IPCEF1: variants seen among roughly 807,000 people sequenced by gnomAD.
The protein encoded by IPCEF1 is interactor protein for cytohesin exchange factors 1.
Under a neutral mutation model 50.9 loss-of-function variants are expected in IPCEF1, and 31 were observed. The observed-to-expected ratio is 0.61, with a 90% confidence interval of 0.46 to 0.82. The LOEUF (loss-of-function observed/expected upper bound fraction) is 0.82. IPCEF1 is among the 40% of genes least tolerant of loss of function. IPCEF1 has a pLI of 0.00. For synonymous variants in IPCEF1, 181 were observed against 192.0 expected, an observed-to-expected ratio of 0.94 and a Z score of 0.47; for missense variants, 458 against 514.0, an observed-to-expected ratio of 0.89 and a Z score of 1.05.
At chr6:154,336,475 C>T (rs1033330782) in intron 1 of IPCEF1, among the ~76,000 whole-genome samples, 19 of 151,930 alleles carry the variant, frequency 1.3e-4, no homozygotes, top group Non-Finnish European at 4.4e-5. Context: ...AAGTTGATCT[C>T]GTGGAGATAG....
In IPCEF1 at chr6:154,247,486, C is replaced by T. The variant is rs769233053; in HGVS notation, c.39G>A (p.Gln13=). ...TCCTGGGCTTCTGACGCAAGGGAACCTGCTGAAAATGCAGGAAGGAAAGAA... is the reference window on the plus strand; with the variant it reads ...TCCTGGGCTTCTGACGCAAGGGAACTTGCTGAAAATGCAGGAAGGAAAGAA... ...SYMAIDGSAL[Q]VPLRQKPRRK... Residue 13 remains glutamine (Q), a splice_region_variant and synonymous_variant, in exon 4 of 12, where the codon CAG becomes CAA. Transcript: ENST00000367220. 6.2e-7 allele frequency: 1 copy of T among 1,611,578 alleles called. No individual in the cohort carries two copies. Among genetic ancestry groups the T allele is most frequent in the Non-Finnish European group, 8.5e-7 (1 of 1,178,222 alleles).
chr6:154,213,491 G>T (rs917824572), intron 8 of IPCEF1, among the ~76,000 whole-genome samples: 2 of 152,186 alleles, frequency 1.3e-5, no homozygotes, highest in Non-Finnish European at 2.9e-5. Context: ...TCATGGTATT[G>T]CACGGTACCC....
At chr6:154,191,145 G>A (rs2128580851) in intron 10 of IPCEF1, among the ~76,000 whole-genome samples, 1 of 152,160 alleles carries the variant, frequency 6.6e-6, no homozygotes, top group African/African-American at 2.4e-5. Context: ...ATCTGAAAAG[G>A]GTACATACCA....
At chr6:154,209,273 AT>A (rs1224027404) in intron 9 of IPCEF1, among the ~76,000 whole-genome samples, 1 of 152,222 alleles carries the variant, frequency 6.6e-6, no homozygotes, top group Non-Finnish European at 1.5e-5. Flanking sequence ...GGGGAAAAAA[AT>A]ATTTTTGCCC....
At chr6:154,221,766 C>T (rs790267) in intron 6 of IPCEF1, among the ~76,000 whole-genome samples, 70,205 of 151,742 alleles carry the variant, frequency 0.46, 16,504 homozygotes, top group Admixed American at 0.57. Flanking sequence ...CCCAGCTACC[C>T]GGGAGGCTGA....
At chr6:154,266,902 C>G (rs1303017675) in intron 2 of IPCEF1, among the ~76,000 whole-genome samples, 1 of 152,130 alleles carries the variant, frequency 6.6e-6, no homozygotes, top group Non-Finnish European at 1.5e-5. Context: ...GCCACTGAAA[C>G]TCTCCCCAAA....
intron 1 of IPCEF1, among the ~76,000 whole-genome samples, chr6:154,309,195 A>C (rs1252276245): frequency 1.3e-5 from 2 of 152,206 alleles, no homozygotes; most frequent in Non-Finnish European, 2.9e-5. Context: ...ACTTTCCCTG[A>C]GCTGTCTGAG....
intron 1 of IPCEF1, among the ~76,000 whole-genome samples, chr6:154,348,488 A>G (rs1408468566): frequency 2.0e-5 from 3 of 152,186 alleles, no homozygotes; most frequent in South Asian, 2.1e-4. Flanking sequence ...TGTCCATTTA[A>G]TTGCAGTGAA....
chr6:154,338,661 G>A (rs899322032), intron 1 of IPCEF1, among the ~76,000 whole-genome samples: 2 of 152,208 alleles, frequency 1.3e-5, no homozygotes, highest in African/African-American at 4.8e-5. Context: ...GCCCAATAAC[G>A]AAAATCCTAG....
At chr6:154,317,849 A>G (rs1192910222) in intron 1 of IPCEF1, among the ~76,000 whole-genome samples, 1 of 152,150 alleles carries the variant, frequency 6.6e-6, no homozygotes, top group African/African-American at 2.4e-5. Context: ...TATTTACTGA[A>G]GAGAAAGAAA....
At chr6:154,355,783 C>T (rs1347833097) in intron 1 of IPCEF1, among the ~76,000 whole-genome samples, 1 of 151,836 alleles carries the variant, frequency 6.6e-6, no homozygotes, top group African/African-American at 2.4e-5. Context: ...GCCACCGCAC[C>T]CGGCATTCTA....
chr6:154,298,844 C>A (rs1242190289), intron 1 of IPCEF1, among the ~76,000 whole-genome samples: 6 of 151,986 alleles, frequency 3.9e-5, no homozygotes, highest in African/African-American at 1.5e-4. Flanking sequence ...TGCCTGTAAT[C>A]CCAAGTACTT....
intron 3 of IPCEF1, among the ~76,000 whole-genome samples, chr6:154,254,737 T>C (rs1372147203): frequency 1.3e-5 from 2 of 152,226 alleles, no homozygotes; most frequent in African/African-American, 4.8e-5. Context: ...GTGTGGTTGG[T>C]TGGTTGGTTT....
At chr6:154,165,640 C>G (rs1799366748) in intron 11 of IPCEF1, among the ~76,000 whole-genome samples, 2 of 152,240 alleles carry the variant, frequency 1.3e-5, no homozygotes, top group Non-Finnish European at 2.9e-5. Flanking sequence ...GCAGGCAGCC[C>G]TGAGCGGGCC....
chr6:154,170,833 T>C (rs1460864744), intron 10 of IPCEF1, among the ~76,000 whole-genome samples: 1 of 152,154 alleles, frequency 6.6e-6, no homozygotes, highest in African/African-American at 2.4e-5. Context: ...CCCTCATACA[T>C]TGTTAGTGGG....
intron 5 of IPCEF1, among the ~76,000 whole-genome samples, chr6:154,229,863 G>A (rs918552230): frequency 6.6e-6 from 1 of 152,178 alleles, no homozygotes; most frequent in Non-Finnish European, 1.5e-5. Flanking sequence ...ACAGCCATAC[G>A]ACGAAATGCT....
At chr6:154,319,629 A>AT (rs1439572711) in intron 1 of IPCEF1, among the ~76,000 whole-genome samples, 1 of 152,186 alleles carries the variant, frequency 6.6e-6, no homozygotes, top group African/African-American at 2.4e-5. Flanking sequence ...GTCATGTCTT[A>AT]TTTTTATCAG....
intron 9 of IPCEF1, among the ~76,000 whole-genome samples, chr6:154,210,396 T>G (rs1176028861): frequency 2.6e-5 from 4 of 152,136 alleles, no homozygotes; most frequent in Non-Finnish European, 4.4e-5. Flanking sequence ...TGTTACAGGT[T>G]AAAATAGGAG....
At chr6:154,175,344 G>C (rs1392180884) in intron 10 of IPCEF1, among the ~76,000 whole-genome samples, 1 of 147,118 alleles carries the variant, frequency 6.8e-6, no homozygotes, top group Non-Finnish European at 1.5e-5. Flanking sequence ...GAAGGAGGTA[G>C]AGACACAAAA....
Sources: gnomAD v4.1 joint callset for allele counts (sites outside exome capture counted in the v4.1 genomes callset) on GRCh38, gnomAD v4.1.1 for gene constraint, MANE v1.5 for transcripts, NCBI Gene and HGNC (gene_info 2026-07-23, HGNC 2026-07-21) for gene names.